The following ATP6V0A4 variants were observed in gnomAD, a reference collection of about 807,000 sequenced individuals.
The protein encoded by ATP6V0A4 is ATPase H+ transporting V0 subunit a4.
A neutral mutation model predicts 107.3 loss-of-function variants in ATP6V0A4; 86 were observed. The ratio of observed to expected loss-of-function variants is 0.80; its 90% confidence interval spans 0.67 to 0.96. ATP6V0A4 has a LOEUF of 0.96. Among genes scored for constraint, ATP6V0A4 ranks in the 40% least tolerant of loss-of-function variants. The pLI is 0.00. For synonymous variants in ATP6V0A4, 353 were observed against 381.4 expected (o/e 0.93, Z 0.87); for missense variants, 908 against 1,045.6 (o/e 0.87, Z 1.81).
intron 19 of ATP6V0A4, among the ~76,000 whole-genome samples, chr7:138,721,677 A>G (rs1348353761): frequency 6.6e-6 from 1 of 152,186 alleles, no homozygotes; most frequent in Non-Finnish European, 1.5e-5. Context: ...GACTAGAAAT[A>G]TTAAAATGTG....
intron 17 of ATP6V0A4, among the ~76,000 whole-genome samples, chr7:138,730,227 G>A (rs1190848352): frequency 6.6e-6 from 1 of 152,124 alleles, no homozygotes; most frequent in Non-Finnish European, 1.5e-5. Context: ...GAGACCATGT[G>A]AACCCAAGCT....
chr7:138,782,915 A>G (rs1807986976), intron 2 of ATP6V0A4, among the ~76,000 whole-genome samples: 1 of 152,110 alleles, frequency 6.6e-6, no homozygotes, highest in Non-Finnish European at 1.5e-5. Flanking sequence ...TCTCTACTAA[A>G]AATACAAAAA....
rs1430044965 is a variant in ATP6V0A4 at position 138,732,918 on chromosome 7, T to G, written c.1867A>C (p.Asn623His). ...LIHFINMFLF[N>H]YSDSSNAPLY... ...GGTGCGTTGGAAGAGTCACTGTAGTTAAACAGAAACATGTTGATGAAGTGG... is the reference window on the plus strand; with the variant it reads ...GGTGCGTTGGAAGAGTCACTGTAGTGAAACAGAAACATGTTGATGAAGTGG... Residue 623 changes from asparagine to histidine, a missense_variant, in exon 17 of 22, where the codon AAC (asparagine) becomes CAC (histidine). Coordinates refer to ENST00000310018, the MANE Select transcript of ATP6V0A4 (RefSeq NM_020632.3). 1 of 1,613,084 alleles carries G rather than the reference T, an allele frequency of 6.2e-7. No individual in the cohort carries two copies. Among genetic ancestry groups the G allele is most frequent in the Admixed American group, 1.7e-5 (1 of 59,926 alleles).
intron 17 of ATP6V0A4, among the ~76,000 whole-genome samples, chr7:138,731,508 G>A (rs1050590402): frequency 2.0e-5 from 3 of 152,078 alleles, no homozygotes; most frequent in African/African-American, 7.2e-5. Flanking sequence ...GAGAGGCCAG[G>A]GGGAAAAAGC....
intron 5 of ATP6V0A4, among the ~76,000 whole-genome samples, chr7:138,765,735 GGTTTTT>G (rs57065960): frequency 0.01 from 1,523 of 151,342 alleles, 10 homozygotes; most frequent in Middle Eastern, 0.014. Context: ...TTATGCTGGT[GGTTTTT>G]GTTTTTGTTT....
intron 5 of ATP6V0A4, among the ~76,000 whole-genome samples, chr7:138,768,368 C>A (rs1439052052): frequency 6.6e-6 from 1 of 152,170 alleles, no homozygotes; most frequent in Non-Finnish European, 1.5e-5. Flanking sequence ...GTCAGAGAAG[C>A]AGCTTCCATC....
chr7:138,722,082 C>T (rs772195059), intron 18 of ATP6V0A4, 57 bp from the exon 19 acceptor site: 28 of 1,608,266 alleles, frequency 1.7e-5, no homozygotes, highest in Non-Finnish European at 2.4e-5. Flanking sequence ...AATTCTAACA[C>T]ATATAAATAT....
At chr7:138,776,210 G>T (rs145128737) in intron 2 of ATP6V0A4, among the ~76,000 whole-genome samples, 1 of 152,320 alleles carries the variant, frequency 6.6e-6, no homozygotes, top group East Asian at 1.9e-4. Context: ...CAAACTTTAG[G>T]CTGGGAAGCA....
At position 138,753,520 on chromosome 7, in the gene ATP6V0A4, C is replaced by A. The variant is rs555447053; in HGVS notation, c.817-683G>T. On this transcript the variant is annotated intron_variant, in intron 10 of 21. Coordinates refer to ENST00000310018, the MANE Select transcript of ATP6V0A4 (RefSeq NM_020632.3). ...TAAGAGATTACTACATCTACCACAA[C>A]CCTTTACATACATAATCCCTCCAAT... Among the ~76,000 whole-genome samples, 10 of 152,324 alleles carry A rather than the reference C, an allele frequency of 6.6e-5. 1 individual carries two copies. In the South Asian group the frequency reaches 2.1e-3, roughly 32 times the overall value.
chr7:138,744,310 T>A (rs2117268311), intron 14 of ATP6V0A4, among the ~76,000 whole-genome samples: 1 of 150,036 alleles, frequency 6.7e-6, no homozygotes, highest in African/African-American at 2.5e-5. Context: ...TGATCTCGGC[T>A]CGCTGCAACC....
Position 138,745,538 on chromosome 7 carries a change from G to A in ATP6V0A4, c.1321-258C>T, listed in dbSNP as rs191192826. Reference sequence around the variant, plus strand: ...CCATATAGGCAAAAATTAGCTGGGCGTGGTGGTGCATGCCTGTAATCCCAG... The same window carrying A: ...CCATATAGGCAAAAATTAGCTGGGCATGGTGGTGCATGCCTGTAATCCCAG... On this transcript the variant is annotated intron_variant, in intron 13 of 21. Transcript: ENST00000310018. Among the ~76,000 whole-genome samples the A allele has an allele frequency of 5.9e-5, 9 of 151,728 alleles. No individual in the cohort carries two copies. In the East Asian group the frequency reaches 7.8e-4, roughly 13 times the overall value.
At chr7:138,747,363 A>C in intron 13 of ATP6V0A4, 62 bp downstream of exon 13, 1 of 1,576,388 alleles carries the variant, frequency 6.3e-7, no homozygotes, top group Non-Finnish European at 8.7e-7. Context: ...TATGGTGAAA[A>C]CCACATACAG....
At chr7:138,774,578 C>G (rs57650495) in intron 2 of ATP6V0A4, among the ~76,000 whole-genome samples, 1 of 118,348 alleles carries the variant, frequency 8.4e-6, no homozygotes, top group African/African-American at 2.9e-5. Context: ...CAGACTCCAT[C>G]TCAAAAATAA....
intron 19 of ATP6V0A4, among the ~76,000 whole-genome samples, chr7:138,718,626 G>A (rs1804258062): frequency 8.4e-6 from 1 of 119,078 alleles, no homozygotes; most frequent in Non-Finnish European, 1.7e-5. Flanking sequence ...GAATGGGGAG[G>A]TGCCGCCACG....
Position 138,749,238 on chromosome 7 carries a change from T to C in ATP6V0A4, c.1109A>G (p.Asn370Ser), listed in dbSNP as rs776269848. The change falls in exon 12 of 22, where the codon AAT (asparagine) becomes AGT (serine). Residue 370 changes from asparagine (N) to serine (S), a missense_variant. Asn to Ser is a conservative substitution (Grantham distance 46, BLOSUM62 1). Transcript: ENST00000310018. ...KTAPPTFNRT[N>S]KFTAGFQNIV... ...ATTCTGGAAGCCAGCTGTGAATTTA[T>C]TGGTCCTGTTAAATGTGGGAGGGGC... 8 of 1,614,054 alleles carry C rather than the reference T, an allele frequency of 5.0e-6. No individual in the cohort carries two copies. The highest frequency in any genetic ancestry group is 3.3e-5 in the South Asian group (3 of 91,060).
intron 1 of ATP6V0A4, among the ~76,000 whole-genome samples, chr7:138,787,966 C>G (rs1015223925): frequency 7.9e-5 from 12 of 152,056 alleles, no homozygotes; most frequent in Non-Finnish European, 1.5e-4. Context: ...CACCACTGCA[C>G]TCCACCCTGG....
intron 15 of ATP6V0A4, 106 bp from the exon 16 acceptor site, chr7:138,734,360 T>C (rs1805195769): frequency 1.4e-5 from 21 of 1,543,642 alleles, no homozygotes; most frequent in Middle Eastern, 1.7e-4. Context: ...CTCTGGGAAC[T>C]GCACTTTCAT....
intron 5 of ATP6V0A4, among the ~76,000 whole-genome samples, chr7:138,763,903 T>C (rs1033811843): frequency 2.7e-5 from 4 of 150,068 alleles, no homozygotes; most frequent in Non-Finnish European, 4.4e-5. Flanking sequence ...GAGGTTACAG[T>C]GAGCAGAGGT....
chr7:138,745,674 C>T (rs1391491389), intron 13 of ATP6V0A4, among the ~76,000 whole-genome samples: 1 of 51,716 alleles, frequency 1.9e-5, no homozygotes, highest in East Asian at 1.4e-3. Flanking sequence ...AAAAAAAAGG[C>T]CGGGTGTGAT....
Sources: allele counts gnomAD v4.1 joint callset (sites outside exome capture counted in the v4.1 genomes callset), GRCh38; gene constraint gnomAD v4.1.1; transcripts MANE v1.5; gene names NCBI Gene and HGNC (gene_info 2026-07-23, HGNC 2026-07-21).